The following LMF1 variants were observed in gnomAD, a reference collection of about 807,000 sequenced individuals.
LMF1 encodes lipase maturation factor 1, also known as transmembrane protein 112.
LMF1 carries 68 observed loss-of-function variants against 60.6 expected under a neutral mutation model. That is an observed-to-expected ratio of 1.12 (90% CI 0.92 to 1.37). LMF1 has a LOEUF of 1.37. LMF1 is among the 40% of genes most tolerant of loss of function. The probability of loss-of-function intolerance (pLI) is 0.00; values close to 1 mark genes in which losing one functional copy is unlikely to be tolerated. For missense variants in LMF1, 948 were observed against 767.2 expected, an observed-to-expected ratio of 1.24 and a Z score of -2.78; for synonymous variants, 418 against 324.7, an observed-to-expected ratio of 1.29 and a Z score of -3.09.
intron 3 of LMF1, among the ~76,000 whole-genome samples, chr16:921,343 T>C (rs73499213): frequency 0.069 from 10,439 of 152,304 alleles, 400 homozygotes; most frequent in Non-Finnish European, 0.089. Flanking sequence ...CTTGAGGGGC[T>C]GCTGGGTCCA....
At chr16:914,845 T>C (rs1433828976) in intron 3 of LMF1, among the ~76,000 whole-genome samples, 2 of 60,804 alleles carry the variant, frequency 3.3e-5, no homozygotes, top group African/African-American at 6.3e-5. Context: ...CCCATGACCA[T>C]TGGTGACAAA....
chr16:855,436 C>T (rs759884368), intron 10 of LMF1: 180 of 354,876 alleles, frequency 5.1e-4, no homozygotes, highest in Admixed American at 1.9e-3. Flanking sequence ...CATACTGGGT[C>T]TTGGTCCCTG....
chr16:972,008 C>T (rs1596179695), upstream of LMF1, among the ~76,000 whole-genome samples: 3 of 152,122 alleles, frequency 2.0e-5, no homozygotes, highest in African/African-American at 7.2e-5. Context: ...TATCAATTAT[C>T]GCCACTGGGT....
intron 6 of LMF1, chr16:872,496 G>A (rs2069828239): frequency 6.6e-6 from 1 of 152,234 alleles, no homozygotes; most frequent in South Asian, 2.1e-4. Context: ...CTGTCTACAA[G>A]GTTACTAAAC....
At chr16:975,258 G>A (rs144624769), upstream of LMF1, among the ~76,000 whole-genome samples, 25 of 152,324 alleles carry the variant, frequency 1.6e-4, no homozygotes, top group Non-Finnish European at 2.8e-4. Context: ...ACAGTGGAAA[G>A]CACAGCTCCC....
At chr16:960,658 G>A (rs1211651925) in intron 1 of LMF1, among the ~76,000 whole-genome samples, 1 of 3,218 alleles carries the variant, frequency 3.1e-4, no homozygotes, top group Non-Finnish European at 5.4e-4. Flanking sequence ...ACGGGATCAC[G>A]ACCCAGACAC....
At chr16:960,413 G>A (rs1214774451) in intron 1 of LMF1, among the ~76,000 whole-genome samples, 2 of 71,722 alleles carry the variant, frequency 2.8e-5, no homozygotes, top group Non-Finnish European at 5.1e-5. Flanking sequence ...ACAGACTCAC[G>A]GTGACAGCAC....
chr16:980,088 A>G (rs1043732215), intron 1 of LMF1: 2 of 280,644 alleles, frequency 7.1e-6, no homozygotes, highest in African/African-American at 2.2e-5. Context: ...GAGCCTCCCA[A>G]CTCGCGCACT....
At chr16:923,972 G>C (rs544092685) in intron 3 of LMF1, among the ~76,000 whole-genome samples, 4 of 152,222 alleles carry the variant, frequency 2.6e-5, no homozygotes, top group African/African-American at 4.8e-5. Context: ...GATGAAAAAC[G>C]AAGCCAATCA....
In LMF1 at chr16:962,571, C is replaced by T. The variant is rs573894780; in HGVS notation, c.194-7905G>A. 2.0e-5 allele frequency among the ~76,000 whole-genome samples: 3 copies of T among 152,330 alleles called. No individual in the cohort carries two copies. In the South Asian group the frequency reaches 6.2e-4, roughly 32 times the overall value. ...AAGGGCCCCGCACCTCTGTGGGCGT[C>T]TTCCCAAAACCCATCACCCAGTCTA... On this transcript the variant is annotated intron_variant, in intron 1 of 10. Transcript: ENST00000262301. This position sits in a 1 kb window ranked among gnomAD's most constrained non-coding sequence, Gnocchi z 4.5.
At chr16:913,213 C>T (rs1360237847) in intron 3 of LMF1, among the ~76,000 whole-genome samples, 4 of 152,248 alleles carry the variant, frequency 2.6e-5, no homozygotes, top group Non-Finnish European at 5.9e-5. Context: ...TCCACGGCTC[C>T]GGCGTCGTTT....
intron 5 of LMF1, among the ~76,000 whole-genome samples, chr16:885,777 T>C (rs1180656925): frequency 6.6e-6 from 1 of 152,230 alleles, no homozygotes; most frequent in African/African-American, 2.4e-5. Context: ...ATAATTATAG[T>C]TGGAGATCTC....
At chr16:955,868 C>T (rs1319815294) in intron 1 of LMF1, among the ~76,000 whole-genome samples, 1 of 152,196 alleles carries the variant, frequency 6.6e-6, no homozygotes, top group East Asian at 1.9e-4. Flanking sequence ...GGGCTTGACA[C>T]TTACTGCCTA....
At chr16:906,542 G>T (rs2070976336) in intron 4 of LMF1, among the ~76,000 whole-genome samples, 2 of 152,146 alleles carry the variant, frequency 1.3e-5, no homozygotes, top group Non-Finnish European at 2.9e-5. Context: ...TGAGACTCGG[G>T]ACCGGCTCTC....
chr16:897,808 G>A lies in LMF1; in HGVS notation c.664-4736C>T, dbSNP rs1164933823. ...CAGCAGGGGTGGTGCCTGGGGTCCC[G>A]CCTGGCTCCGTGGCTTTCCTGTCTT... is the stretch of plus-strand genomic sequence containing the variant. On this transcript the variant is annotated intron_variant, in intron 4 of 10. Transcript: ENST00000262301. The surrounding 1 kb of genome is among the most constrained non-coding windows in gnomAD (Gnocchi z 4.3). Among the ~76,000 whole-genome samples the A allele has an allele frequency of 6.6e-6, 1 of 152,204 alleles. No homozygotes were observed. The highest frequency in any genetic ancestry group is 6.5e-5 in the Admixed American group (1 of 15,284).
intron 10 of LMF1, among the ~76,000 whole-genome samples, chr16:860,033 T>C (rs1383588055): frequency 6.7e-6 from 1 of 150,314 alleles, no homozygotes; most frequent in Non-Finnish European, 1.5e-5. Context: ...CTCCTGAGCT[T>C]ATCTGTCATC....
chr16:870,870 C>T lies in LMF1; in HGVS notation c.1091G>A (p.Arg364Gln), dbSNP rs35168378. 0.027 allele frequency: 43,070 copies of T among 1,608,236 alleles called. 687 individuals carry two copies. The highest frequency in any genetic ancestry group is 0.055 in the Middle Eastern group (334 of 6,056). The change falls in exon 8 of 11, where the codon CGG becomes CAG. Residue 364 changes from arginine (R) to glutamine (Q), a missense_variant. Arg to Gln is a conservative substitution (Grantham distance 43). Coordinates refer to ENST00000262301, the MANE Select transcript of LMF1 (RefSeq NM_022773.4). ...RPEPRFGSVVRRAANVSLGVL... is the reference protein window; with the variant it reads ...RPEPRFGSVVQRAANVSLGVL... ...GCCCAGCGAGACGTTGGCTGCACGC[C>T]GCACCACGGAGCCTGGCAGGGGAGT... is the stretch of plus-strand genomic sequence containing the variant.
intron 6 of LMF1, chr16:873,573 G>A (rs988903081): frequency 2.6e-5 from 4 of 152,136 alleles, no homozygotes; most frequent in Non-Finnish European, 4.4e-5. Flanking sequence ...ACCCTCTGCC[G>A]AGGACACGCC....
intron 1 of LMF1, among the ~76,000 whole-genome samples, chr16:960,462 G>A (rs199826794): frequency 0.01 from 481 of 46,962 alleles, 26 homozygotes; most frequent in Non-Finnish European, 0.012. Context: ...GTGACAGCAC[G>A]GGATCACGAC....
Sources: gnomAD v4.1 joint callset for allele counts (sites outside exome capture counted in the v4.1 genomes callset) on GRCh38, gnomAD v4.1.1 for gene constraint, Gnocchi (gnomAD v3.1) non-coding constraint, MANE v1.5 for transcripts, NCBI Gene and HGNC (gene_info 2026-07-23, HGNC 2026-07-21) for gene names.